AIRIM: variants seen among roughly 807,000 people sequenced by gnomAD.
AIRIM encodes AFG2 interacting ribosome maturation factor.
chr1:37,691,661 C>G, the AIRIM span: 2 of 152,748 alleles, frequency 1.3e-5, no homozygotes, highest in African/African-American at 4.8e-5. Flanking sequence ...GCCGTCTACA[C>G]GCCCATTCCC....
At chr1:37,690,566 G>C in the AIRIM span, 4 of 1,017,260 alleles carry the variant, frequency 3.9e-6, no homozygotes, top group South Asian at 7.1e-5. Context: ...TACTCCGCGG[G>C]CCTGCCTGGC....
the AIRIM span, among the ~76,000 whole-genome samples, chr1:37,685,700 CAA>C: frequency 6.6e-6 from 1 of 152,122 alleles, no homozygotes; most frequent in African/African-American, 2.4e-5. Context: ...CAAATTCTTT[CAA>C]AGACCTTCAA....
the AIRIM span, among the ~76,000 whole-genome samples, chr1:37,687,063 T>A: frequency 2.6e-5 from 1 of 38,650 alleles, no homozygotes; most frequent in Middle Eastern, 0.011. Flanking sequence ...CTCAAAAGTG[T>A]GTGTGTGTGT....
chr1:37,689,698 CG>C, the AIRIM span: 1 of 1,614,062 alleles, frequency 6.2e-7, no homozygotes. Context: ...CCCGAAGCGC[CG>C]GCACATCCTC....
the AIRIM span, chr1:37,684,281 G>A: frequency 6.6e-6 from 1 of 152,252 alleles, no homozygotes; most frequent in African/African-American, 2.4e-5. Flanking sequence ...GTCAGCCGCA[G>A]CTCTTGCTCC....
chr1:37,689,219 G>C, the AIRIM span, among the ~76,000 whole-genome samples: 2 of 152,170 alleles, frequency 1.3e-5, no homozygotes, highest in Non-Finnish European at 1.5e-5. Context: ...GTGCAGTTAA[G>C]TCACAGATAT....
At chr1:37,689,593 G>C in the AIRIM span, 407,312 of 1,576,738 alleles carry the variant, frequency 0.26, 55,695 homozygotes, top group African/African-American at 0.4. Flanking sequence ...AACAGCACTA[G>C]GGAGCTGCTT....
At chr1:37,684,761 A>T in the AIRIM span, among the ~76,000 whole-genome samples, 401 of 152,360 alleles carry the variant, frequency 2.6e-3, no homozygotes, top group African/African-American at 8.5e-3. Flanking sequence ...AGGCATCTGC[A>T]GGAAACCAAA....
At chr1:37,689,715 G>A in the AIRIM span, 17 of 1,613,872 alleles carry the variant, frequency 1.1e-5, no homozygotes, top group Non-Finnish European at 1.4e-5. Context: ...TCCTCAAACC[G>A]CAGGTTCTGT....
the AIRIM span, chr1:37,683,093 A>G: frequency 0.76 from 1,218,154 of 1,598,932 alleles, 465,496 homozygotes; most frequent in East Asian, 0.94. Context: ...CAACTGTGGT[A>G]CCCGTGGTCT....
the AIRIM span, among the ~76,000 whole-genome samples, chr1:37,684,543 C>T: frequency 2.0e-5 from 3 of 152,126 alleles, no homozygotes; most frequent in African/African-American, 4.8e-5. Context: ...TGCTTGAACT[C>T]GGGAGGTGGA....
chr1:37,687,349 C>G, the AIRIM span, among the ~76,000 whole-genome samples: 1 of 151,564 alleles, frequency 6.6e-6, no homozygotes, highest in South Asian at 2.1e-4. Context: ...TCAGGCTGGT[C>G]TCGAACTCCC....
At chr1:37,683,473 C>A in the AIRIM span, 1 of 1,602,566 alleles carries the variant, frequency 6.2e-7, no homozygotes, top group Non-Finnish European at 8.5e-7. Context: ...AAAGAAAATG[C>A]AGTATGCTGA....
At chr1:37,686,964 C>T in the AIRIM span, among the ~76,000 whole-genome samples, 1 of 151,612 alleles carries the variant, frequency 6.6e-6, no homozygotes, top group African/African-American at 2.4e-5. Context: ...TCGGGAGGCA[C>T]GAGAATCACT....
chr1:37,689,216 T>G, the AIRIM span, among the ~76,000 whole-genome samples: 2 of 152,220 alleles, frequency 1.3e-5, no homozygotes, highest in African/African-American at 2.4e-5. Context: ...TAAGTGCAGT[T>G]AAGTCACAGA....
the AIRIM span, among the ~76,000 whole-genome samples, chr1:37,686,739 A>T: frequency 2.0e-5 from 3 of 152,158 alleles, no homozygotes; most frequent in Non-Finnish European, 4.4e-5. Context: ...GTCTAAGGAG[A>T]TTAGTGACAG....
chr1:37,692,221 T>C, the AIRIM span: 515 of 185,376 alleles, frequency 2.8e-3, 1 homozygote, highest in African/African-American at 0.012. Flanking sequence ...CTCCAGAGCT[T>C]GGGGTATTGC....
At chr1:37,682,978 C>T in the AIRIM span, 1 of 819,920 alleles carries the variant, frequency 1.2e-6, no homozygotes, top group South Asian at 1.7e-5. Flanking sequence ...GGCGCTAATC[C>T]TCCCCAAGAC....
At chr1:37,687,716 G>A in the AIRIM span, among the ~76,000 whole-genome samples, 1 of 152,130 alleles carries the variant, frequency 6.6e-6, no homozygotes, top group South Asian at 2.1e-4. Context: ...GGGCAACAGG[G>A]TGAGACTGTC....
Sources: gnomAD v4.1 joint callset for allele counts (sites outside exome capture counted in the v4.1 genomes callset) on GRCh38, gnomAD v4.1.1 for gene constraint, MANE v1.5 for transcripts, NCBI Gene and HGNC (gene_info 2026-07-23, HGNC 2026-07-21) for gene names.